PTPRN2: variants seen among roughly 807,000 people sequenced by gnomAD.
The protein encoded by PTPRN2 is protein tyrosine phosphatase receptor type N2.
In PTPRN2, 74 loss-of-function variants were observed where a neutral mutation model predicts 118.8. The ratio of observed to expected loss-of-function variants is 0.62; its 90% CI spans 0.52 to 0.76. The LOEUF is 0.76. Ranked by LOEUF, PTPRN2 falls within the 30% of genes least tolerant of loss-of-function variation. The pLI, the probability that PTPRN2 is intolerant of heterozygous loss-of-function variation, is 0.00. For missense variants in PTPRN2, 1,481 were observed against 1,394.4 expected (o/e 1.06, Z -0.99); for synonymous variants, 641 against 608.0 (o/e 1.05, Z -0.80).
At chr7:158,403,037 C>T (rs562312612) in intron 2 of PTPRN2, among the ~76,000 whole-genome samples, 10 of 152,334 alleles carry the variant, frequency 6.6e-5, no homozygotes, top group African/African-American at 1.7e-4. Flanking sequence ...TTGCCTCCCA[C>T]GGCTTCTTCA....
At chr7:157,572,754 G>A (rs1400259131) in intron 19 of PTPRN2, among the ~76,000 whole-genome samples, 4 of 152,240 alleles carry the variant, frequency 2.6e-5, no homozygotes, top group East Asian at 1.9e-4. Context: ...GATGGGCCGC[G>A]GCCACAGCCT....
intron 6 of PTPRN2, among the ~76,000 whole-genome samples, chr7:158,155,597 AT>A (rs1585667533): frequency 1.3e-5 from 2 of 148,538 alleles, no homozygotes; most frequent in Non-Finnish European, 3.0e-5. Flanking sequence ...CATCACCATC[AT>A]CATCACCATC....
intron 11 of PTPRN2, among the ~76,000 whole-genome samples, chr7:158,081,058 A>C (rs1812781594): frequency 6.6e-6 from 1 of 152,192 alleles, no homozygotes; most frequent in Non-Finnish European, 1.5e-5. Context: ...AGGGCAGCCC[A>C]GTCCCTCTCC....
intron 1 of PTPRN2, among the ~76,000 whole-genome samples, chr7:158,508,487 G>A (rs572060174): frequency 7.9e-5 from 12 of 152,246 alleles, no homozygotes; most frequent in African/African-American, 2.2e-4. Context: ...GGGTGTGGCC[G>A]TGACTCAGCA....
intron 14 of PTPRN2, among the ~76,000 whole-genome samples, chr7:157,642,898 G>A (rs979814348): frequency 1.5e-5 from 2 of 131,564 alleles, no homozygotes; most frequent in Non-Finnish European, 3.1e-5. Flanking sequence ...TAAGCCAATC[G>A]CCCCGGCAGC....
At chr7:158,278,419 T>G (rs1799183909) in intron 3 of PTPRN2, among the ~76,000 whole-genome samples, 1 of 145,820 alleles carries the variant, frequency 6.9e-6, no homozygotes, top group Admixed American at 6.7e-5. Flanking sequence ...AGGCTGCGGG[T>G]GAAGGTGGGC....
intron 12 of PTPRN2, among the ~76,000 whole-genome samples, chr7:157,689,736 G>C (rs1029641477): frequency 6.6e-6 from 1 of 152,208 alleles, no homozygotes; most frequent in African/African-American, 2.4e-5. Flanking sequence ...CACCTGGGGT[G>C]GGGGAGGCGC....
Position 157,852,040 on chromosome 7 carries a change from G to A in PTPRN2, c.1788+46633C>T, listed in dbSNP as rs569447774. 7.9e-5 allele frequency among the ~76,000 whole-genome samples: 12 copies of A among 151,616 alleles called. No homozygotes were observed. In the East Asian group the frequency reaches 2.3e-3, roughly 29 times the overall value. ...GTGCAGAGCCTTTTGTGTTGAAAAC[G>A]ACACCTTCACGTTATCAGCCTTAGA... On this transcript the variant is annotated intron_variant, in intron 12 of 22. Coordinates refer to ENST00000389418, the MANE Select transcript of PTPRN2 (RefSeq NM_002847.5).
intron 11 of PTPRN2, among the ~76,000 whole-genome samples, chr7:158,020,917 C>T (rs1265050819): frequency 1.3e-5 from 2 of 152,164 alleles, no homozygotes; most frequent in Non-Finnish European, 2.9e-5. Flanking sequence ...CCCCGACAGC[C>T]GGAGCCCCCT....
intron 3 of PTPRN2, among the ~76,000 whole-genome samples, chr7:158,309,589 A>T (rs141046499): frequency 2.0e-5 from 3 of 152,234 alleles, no homozygotes; most frequent in Admixed American, 6.5e-5. Context: ...TATAATACCA[A>T]AACCAAAGAT....
chr7:158,324,755 ACT>A, intron 2 of PTPRN2, among the ~76,000 whole-genome samples: 1 of 151,902 alleles, frequency 6.6e-6, no homozygotes. Context: ...CTGAGCCTCC[ACT>A]CTCTGTGACA....
intron 3 of PTPRN2, among the ~76,000 whole-genome samples, chr7:158,240,587 C>A (rs1254464771): frequency 6.6e-6 from 1 of 152,150 alleles, no homozygotes; most frequent in Non-Finnish European, 1.5e-5. Flanking sequence ...TGCCACCACA[C>A]CCGGCTAATT....
chr7:157,614,275 A>C (rs1003541608), intron 15 of PTPRN2, among the ~76,000 whole-genome samples: 1 of 150,274 alleles, frequency 6.7e-6, no homozygotes, highest in African/African-American at 2.5e-5. Flanking sequence ...AGACCTGTAC[A>C]CTCCGGGTTC....
At chr7:158,282,286 G>A (rs997888854) in intron 3 of PTPRN2, among the ~76,000 whole-genome samples, 1 of 151,938 alleles carries the variant, frequency 6.6e-6, no homozygotes, top group Non-Finnish European at 1.5e-5. Flanking sequence ...GTCTGTCTTG[G>A]GAAAGTAGCT....
intron 3 of PTPRN2, among the ~76,000 whole-genome samples, chr7:158,262,047 C>T (rs11978053): frequency 0.021 from 3,175 of 152,224 alleles, 111 homozygotes; most frequent in African/African-American, 0.072. Context: ...CCAGTGGCTG[C>T]AGCACGGAGG....
chr7:158,460,300 T>C (rs1211002146), intron 2 of PTPRN2, among the ~76,000 whole-genome samples: 1 of 142,778 alleles, frequency 7.0e-6, no homozygotes, highest in Non-Finnish European at 1.5e-5. Flanking sequence ...TATCTACAAG[T>C]TCCTGCTACA....
At chr7:157,825,947 C>T (rs1453298498) in intron 12 of PTPRN2, among the ~76,000 whole-genome samples, 2 of 152,224 alleles carry the variant, frequency 1.3e-5, no homozygotes, top group Non-Finnish European at 2.9e-5. Flanking sequence ...CTTTTGTACA[C>T]TGAGTCAAGG....
In PTPRN2 at chr7:157,785,938, C is replaced by T. The variant is rs780321965; in HGVS notation, c.1789-103001G>A. On this transcript the variant is annotated intron_variant, in intron 12 of 22. Transcript: ENST00000389418. This position sits in a 1 kb window ranked among gnomAD's most constrained non-coding sequence, Gnocchi z 7.3. Reference sequence around the variant, plus strand: ...TCACCTGGGTAGCAGGGTGGGAGGGCCGGGTGGGGATGGCTGCAGGGACCC... The same window carrying T: ...TCACCTGGGTAGCAGGGTGGGAGGGTCGGGTGGGGATGGCTGCAGGGACCC... 2.2e-4 allele frequency among the ~76,000 whole-genome samples: 34 copies of T among 152,070 alleles called. No homozygotes were observed. The highest frequency in any genetic ancestry group is 4.0e-4 in the Non-Finnish European group (27 of 68,002).
At chr7:157,879,080 TGGAA>T (rs948250711) in intron 12 of PTPRN2, among the ~76,000 whole-genome samples, 3 of 143,140 alleles carry the variant, frequency 2.1e-5, no homozygotes, top group Non-Finnish European at 4.5e-5. Context: ...TCCATGGGGC[TGGAA>T]GGGTCAGTGT....
Sources: allele counts gnomAD v4.1 joint callset (sites outside exome capture counted in the v4.1 genomes callset), GRCh38; gene constraint gnomAD v4.1.1; non-coding constraint Gnocchi (gnomAD v3.1); transcripts MANE v1.5; gene names NCBI Gene and HGNC (gene_info 2026-07-23, HGNC 2026-07-21).